The following SYCP1 variants were observed in gnomAD, a reference collection of about 807,000 sequenced individuals.
SYCP1 encodes the protein cancer/testis antigen 8.
SYCP1 carries 64 observed loss-of-function variants against 153.1 expected under a neutral mutation model. The observed-to-expected ratio is 0.42, with a 90% confidence interval of 0.34 to 0.51. The LOEUF (loss-of-function observed/expected upper bound fraction) is 0.51, where lower values mean the gene tolerates loss of function less well. Among genes scored for constraint, SYCP1 ranks in the 20% least tolerant of loss-of-function variants. SYCP1 has a pLI of 0.06. For synonymous variants in SYCP1, 384 were observed against 341.8 expected, an observed-to-expected ratio of 1.12 and a Z score of -1.36; for missense variants, 997 against 1,049.0, an observed-to-expected ratio of 0.95 and a Z score of 0.68.
chr1:114,917,655 A>G (rs1668596470), intron 20 of SYCP1, among the ~76,000 whole-genome samples: 1 of 151,942 alleles, frequency 6.6e-6, no homozygotes, highest in Non-Finnish European at 1.5e-5. Context: ...TTATTGCCTG[A>G]CTTTTGGATA....
intron 16 of SYCP1, among the ~76,000 whole-genome samples, chr1:114,897,542 G>A (rs1373890366): frequency 1.3e-5 from 2 of 152,142 alleles, no homozygotes; most frequent in East Asian, 1.9e-4. Flanking sequence ...CCAATCCTAA[G>A]CTGACCAGTT....
intron 27 of SYCP1, among the ~76,000 whole-genome samples, chr1:114,949,589 A>G (rs1281086615): frequency 2.0e-5 from 3 of 152,294 alleles, no homozygotes. Flanking sequence ...ATATGCCTTG[A>G]TATGTGAGGC....
chr1:114,937,933 T>G (rs917492394), intron 23 of SYCP1, among the ~76,000 whole-genome samples: 3 of 152,266 alleles, frequency 2.0e-5, no homozygotes, highest in African/African-American at 7.2e-5. Context: ...ATAGGAACAC[T>G]TTTACACTGT....
At chr1:114,856,401 C>A (rs1371185629) in intron 2 of SYCP1, among the ~76,000 whole-genome samples, 172 bp from the exon 3 acceptor site, 1 of 152,040 alleles carries the variant, frequency 6.6e-6, no homozygotes, top group African/African-American at 2.4e-5. Context: ...AGAATTTTTT[C>A]TTTGTTTATA....
intron 27 of SYCP1, among the ~76,000 whole-genome samples, chr1:114,975,276 T>C (rs1397074051): frequency 2.0e-5 from 3 of 151,062 alleles, no homozygotes; most frequent in Non-Finnish European, 4.4e-5. Context: ...AATGTTTTTG[T>C]CATCTTATTT....
At chr1:114,875,399 A>G (rs960289334) in intron 9 of SYCP1, among the ~76,000 whole-genome samples, 1 of 151,556 alleles carries the variant, frequency 6.6e-6, no homozygotes, top group African/African-American at 2.4e-5. Context: ...AGCTGGGACT[A>G]CAGGGGACAG....
chr1:114,973,723 T>C (rs1672634854), intron 27 of SYCP1, among the ~76,000 whole-genome samples: 1 of 151,996 alleles, frequency 6.6e-6, no homozygotes, highest in Admixed American at 6.6e-5. Context: ...TTTTTTGTTG[T>C]TGTTGTTAGT....
intron 27 of SYCP1, among the ~76,000 whole-genome samples, chr1:114,975,687 T>A (rs1425519641): frequency 6.6e-6 from 1 of 151,808 alleles, no homozygotes; most frequent in African/African-American, 2.4e-5. Flanking sequence ...TGTTACTAGA[T>A]GACTGTCTTA....
chr1:114,946,614 G>A (rs1388004397), intron 26 of SYCP1, among the ~76,000 whole-genome samples: 1 of 152,074 alleles, frequency 6.6e-6, no homozygotes, highest in Admixed American at 6.5e-5. Context: ...AAACAAATAA[G>A]TTTGGACCTC....
intron 16 of SYCP1, among the ~76,000 whole-genome samples, chr1:114,909,301 C>T (rs1668022242): frequency 6.9e-6 from 1 of 144,366 alleles, no homozygotes; most frequent in African/African-American, 2.9e-5. Flanking sequence ...TTTTAGCTGC[C>T]TATACCACAC....
Position 114,995,063 on chromosome 1 carries a change from T to A in SYCP1, c.*44T>A. ...GTTAAGGAGCCTAATAACGTGAAAC[T>A]TATAGTTAATATTTTGTTCTTATTT... On this transcript the variant is annotated 3_prime_UTR_variant, in exon 32 of 32. Transcript: ENST00000369522. 6.7e-7 allele frequency: 1 copy of A among 1,501,458 alleles called. No individual in the cohort carries two copies. Among genetic ancestry groups the A allele is most frequent in the Non-Finnish European group, 8.9e-7 (1 of 1,126,742 alleles). The allele number at this position is 1,501,458 out of a possible 1,614,324, so 93.0% of individuals were successfully genotyped here. A position where few individuals can be genotyped will look rare whatever the true frequency, so the allele number is the denominator to read the frequency against.
chr1:114,919,464 C>G (rs970887046), intron 20 of SYCP1, among the ~76,000 whole-genome samples: 2 of 151,692 alleles, frequency 1.3e-5, no homozygotes, highest in Non-Finnish European at 2.9e-5. Context: ...CTTTAGTTTC[C>G]TTTTTTTATG....
At chr1:114,984,624 T>G in intron 29 of SYCP1, 101 bp from the exon 30 acceptor site, 6 of 974,070 alleles carry the variant, frequency 6.2e-6, no homozygotes, top group Non-Finnish European at 6.8e-6. Context: ...GGTTTCTGAT[T>G]GCTAAGGACT....
Position 114,887,624 on chromosome 1 carries a change from A to G in SYCP1, c.1191-2A>G. On this transcript the variant is annotated splice_acceptor_variant, in intron 14 of 31. Transcript: ENST00000369522. LOFTEE classifies it high-confidence loss of function. ...TGTATTGAAAATGATATATTTTACA[A>G]GATTGGAAAAAAATGAAGATCAATT... The G allele has an allele frequency of 6.5e-7, 1 of 1,537,014 alleles. No homozygotes were observed. The highest frequency in any genetic ancestry group is 8.8e-7 in the Non-Finnish European group (1 of 1,132,748).
intron 20 of SYCP1, among the ~76,000 whole-genome samples, chr1:114,917,880 T>C (rs1291730942): frequency 1.3e-5 from 2 of 152,092 alleles, no homozygotes; most frequent in Non-Finnish European, 2.9e-5. Flanking sequence ...ATATTGTGTG[T>C]ATTAATCCCT....
intron 29 of SYCP1, 120 bp downstream of exon 29, chr1:114,981,632 T>A: frequency 1.1e-6 from 1 of 941,954 alleles, no homozygotes; most frequent in Non-Finnish European, 1.5e-6. Context: ...AAGTTTCAAT[T>A]TTTTTTGTGG....
At chr1:114,954,914 C>T (rs1671340465) in intron 27 of SYCP1, among the ~76,000 whole-genome samples, 1 of 152,122 alleles carries the variant, frequency 6.6e-6, no homozygotes, top group South Asian at 2.1e-4. Flanking sequence ...CAGTGAATGA[C>T]TAGAACTTCC....
chr1:114,977,572 G>C lies in SYCP1; in HGVS notation c.2338G>C (p.Glu780Gln), dbSNP rs1672880136. Residue 780 changes from glutamate to glutamine, a missense_variant, in exon 28 of 32, where the codon GAG (glutamate) becomes CAG (glutamine). Glu to Gln is a conservative substitution (Grantham distance 29, BLOSUM62 2). Transcript: ENST00000369522. ...EREEKEKLKR[E>Q]AKENTATLKE... ...TTTTTAATAGGAAAAACTCAAAAGA[G>C]AGGCAAAAGAAAACACAGCTACTCT... 1 of 1,491,056 alleles carries C rather than the reference G, an allele frequency of 6.7e-7. No homozygotes were observed. Among genetic ancestry groups the C allele is most frequent in the African/African-American group, 1.4e-5 (1 of 69,264 alleles). 92.4% of individuals were successfully genotyped at this position (1,491,056 alleles called of 1,614,324 possible).
At chr1:114,889,942 T>C (rs1666588311) in intron 15 of SYCP1, among the ~76,000 whole-genome samples, 1 of 152,214 alleles carries the variant, frequency 6.6e-6, no homozygotes, top group African/African-American at 2.4e-5. Context: ...AAGAATTTTG[T>C]TTCTTAAAAT....
Sources: allele counts gnomAD v4.1 joint callset (sites outside exome capture counted in the v4.1 genomes callset), GRCh38; gene constraint gnomAD v4.1.1; transcripts MANE v1.5; gene names NCBI Gene and HGNC (gene_info 2026-07-23, HGNC 2026-07-21).